The following C16orf96 variants were observed in gnomAD, a reference collection of about 807,000 sequenced individuals.
The protein encoded by C16orf96 is chromosome 16 open reading frame 96.
Under a neutral mutation model 103.6 loss-of-function variants are expected in C16orf96, and 108 were observed. The observed-to-expected ratio is 1.04, with a 90% CI of 0.89 to 1.22. The LOEUF (loss-of-function observed/expected upper bound fraction) is 1.22, where lower values mean the gene tolerates loss of function less well. Ranked by LOEUF, C16orf96 falls within the 50% of genes most tolerant of loss-of-function variation. C16orf96 has a pLI of 0.00. For synonymous variants in C16orf96, 566 were observed against 593.5 expected (o/e 0.95, Z 0.67); for missense variants, 1,586 against 1,464.2 (o/e 1.08, Z -1.36).
rs1464978842 is a variant in C16orf96 at position 4,594,718 on chromosome 16, C to T, written c.3042C>T (p.Ile1014=). 6 of 1,551,294 alleles carry T rather than the reference C, an allele frequency of 3.9e-6. No individual in the cohort carries two copies. The highest frequency in any genetic ancestry group is 2.7e-5 in the African/African-American group (2 of 73,160). ...CCATCCAACAGGCCGAGGTGGACAT[C>T]CTGGGCGTGGATGGGATCCTGTACA... The part of the protein sequence containing the change: ...VIDYDSAEVD[I]LGVDGILYKG... The change falls in exon 14 of 16, where the codon ATC becomes ATT. Residue 1014 remains isoleucine, a synonymous_variant. Transcript: ENST00000444310.
At chr16:4,591,180 C>G (rs1567456027) in intron 9 of C16orf96, among the ~76,000 whole-genome samples, 1 of 152,270 alleles carries the variant, frequency 6.6e-6, no homozygotes, top group South Asian at 2.1e-4. Flanking sequence ...GAGCGAGACT[C>G]TGTCTCAAAA....
At chr16:4,567,831 G>C (rs1376539999) in intron 1 of C16orf96, among the ~76,000 whole-genome samples, 2 of 151,052 alleles carry the variant, frequency 1.3e-5, no homozygotes, top group Non-Finnish European at 2.9e-5. Context: ...CCGAGTAGCT[G>C]GGACTACAGG....
In C16orf96 at chr16:4,575,181, G is replaced by A. The variant is rs1322611255; in HGVS notation, c.701G>A (p.Gly234Asp). The stretch of plus-strand genomic sequence containing the variant: ...CTGCCCCCTCTTCTGCAGGAAATTG[G>A]TTCATCACCACTGGACCTGTGGCAG... ...LHDAMFTSEI[G>D]SSPLDLWQSV... The change falls in exon 5 of 16, where the codon GGT becomes GAT. Residue 234 changes from glycine (G) to aspartate (D), a missense_variant. By Grantham distance (94) the Gly-to-Asp change is moderately conservative. Transcript: ENST00000444310. 33 of 1,545,998 alleles carry A rather than the reference G, an allele frequency of 2.1e-5. No individual in the cohort carries two copies. Among genetic ancestry groups the A allele is most frequent in the Non-Finnish European group, 2.6e-5 (30 of 1,146,620 alleles).
At chr16:4,562,539 AT>A (rs1173440444) in intron 1 of C16orf96, among the ~76,000 whole-genome samples, 1 of 151,722 alleles carries the variant, frequency 6.6e-6, no homozygotes, top group Non-Finnish European at 1.5e-5. Flanking sequence ...TATTCACTCA[AT>A]TTTTTTGTTT....
the C16orf96 span, among the ~76,000 whole-genome samples, chr16:4,539,093 A>G: frequency 6.2e-4 from 94 of 152,312 alleles, no homozygotes; most frequent in South Asian, 0.018. Flanking sequence ...GGTGCATTAC[A>G]TAAAACCTTG....
chr16:4,557,830 T>C (rs2059282580), intron 1 of C16orf96, among the ~76,000 whole-genome samples: 1 of 152,120 alleles, frequency 6.6e-6, no homozygotes, highest in Non-Finnish European at 1.5e-5. Context: ...CCACTGCACC[T>C]GGCTAATTTT....
intron 1 of C16orf96, among the ~76,000 whole-genome samples, chr16:4,563,483 G>A (rs2059354136): frequency 6.6e-6 from 1 of 152,090 alleles, no homozygotes; most frequent in South Asian, 2.1e-4. Context: ...TCGAACTCTT[G>A]AGCTCAAGTA....
intron 5 of C16orf96, among the ~76,000 whole-genome samples, chr16:4,577,982 G>A (rs964437634): frequency 6.6e-6 from 1 of 151,732 alleles, no homozygotes; most frequent in Admixed American, 6.6e-5. Context: ...TGGTGGCGCA[G>A]GCCTGTAGTC....
chr16:4,544,671 G>A, the C16orf96 span, among the ~76,000 whole-genome samples: 3 of 152,114 alleles, frequency 2.0e-5, no homozygotes, highest in South Asian at 4.1e-4. Context: ...GCAATTTCAC[G>A]GGGCTGTTGC....
In C16orf96 at chr16:4,556,931, A is replaced by T. The variant is rs1048170214; in HGVS notation, c.420+22A>T. Reference sequence around the variant, plus strand: ...CAAGGTACGCCCCCAGCCTCCAGACACTTCTTTTCCTCCCTTCACCACTGG... The same window carrying T: ...CAAGGTACGCCCCCAGCCTCCAGACTCTTCTTTTCCTCCCTTCACCACTGG... On this transcript the variant is annotated intron_variant, in intron 1 of 15. Coordinates refer to ENST00000444310, the MANE Select transcript of C16orf96 (RefSeq NM_001145011.2). 1.9e-5 allele frequency: 29 copies of T among 1,517,950 alleles called. No individual in the cohort carries two copies. In the Middle Eastern group the frequency reaches 1.2e-3, roughly 63 times the overall value. The allele number at this position is 1,517,950 out of a possible 1,614,324, so 94.0% of individuals were successfully genotyped here.
the C16orf96 span, among the ~76,000 whole-genome samples, chr16:4,545,630 G>C: frequency 1.3e-5 from 2 of 152,084 alleles, no homozygotes; most frequent in Non-Finnish European, 2.9e-5. Context: ...ACTCTTGTTA[G>C]ACTCAATTTA....
At chr16:4,545,334 G>T in the C16orf96 span, among the ~76,000 whole-genome samples, 1 of 152,278 alleles carries the variant, frequency 6.6e-6, no homozygotes, top group South Asian at 2.1e-4. Context: ...AGCCTCCCAA[G>T]TAGCTGGGAC....
chr16:4,553,757 G>A (rs910167938), upstream of C16orf96, among the ~76,000 whole-genome samples: 2 of 152,182 alleles, frequency 1.3e-5, no homozygotes, highest in African/African-American at 4.8e-5. Flanking sequence ...TTACAGGCAT[G>A]AGCCACAGCG....
At chr16:4,557,607 C>A (rs946024651) in intron 1 of C16orf96, among the ~76,000 whole-genome samples, 2 of 152,164 alleles carry the variant, frequency 1.3e-5, no homozygotes, top group South Asian at 4.1e-4. Context: ...TACAACCTCA[C>A]TGATGTACTA....
intron 14 of C16orf96, among the ~76,000 whole-genome samples, chr16:4,598,526 T>C (rs1201994488): frequency 1.3e-5 from 2 of 151,906 alleles, no homozygotes; most frequent in Non-Finnish European, 1.5e-5. Context: ...AAGATAGTGG[T>C]GGTGGTGTGC....
At chr16:4,586,121 G>T (rs1488868725) in intron 7 of C16orf96, among the ~76,000 whole-genome samples, 1 of 152,160 alleles carries the variant, frequency 6.6e-6, no homozygotes. Context: ...TTAGCCAGGC[G>T]TGGTGTTGGG....
At chr16:4,568,358 C>G (rs1474376212) in intron 1 of C16orf96, among the ~76,000 whole-genome samples, 3 of 152,192 alleles carry the variant, frequency 2.0e-5, no homozygotes, top group African/African-American at 7.2e-5. Flanking sequence ...AATATGTATT[C>G]TACCATTGTT....
At chr16:4,552,718 A>G (rs1268768413), upstream of C16orf96, among the ~76,000 whole-genome samples, 1 of 152,044 alleles carries the variant, frequency 6.6e-6, no homozygotes, top group Non-Finnish European at 1.5e-5. Flanking sequence ...CAGTGTGTGC[A>G]ATTTTTCAGC....
In C16orf96 at chr16:4,580,724, C is replaced by T. The variant is rs1228253090; in HGVS notation, c.2352+599C>T. ...AGCTGGGACTGGGCGCGGTGGTTCA[C>T]GCCTATAATCCCAGCACTTTGGGAG... On this transcript the variant is annotated intron_variant, in intron 7 of 15. Coordinates refer to ENST00000444310, the MANE Select transcript of C16orf96 (RefSeq NM_001145011.2). Among the ~76,000 whole-genome samples the T allele has an allele frequency of 2.6e-5, 4 of 152,090 alleles. No individual in the cohort carries two copies. In the South Asian group the frequency reaches 6.2e-4, roughly 24 times the overall value.
Sources: gnomAD v4.1 joint callset for allele counts (sites outside exome capture counted in the v4.1 genomes callset) on GRCh38, gnomAD v4.1.1 for gene constraint, MANE v1.5 for transcripts, NCBI Gene and HGNC (gene_info 2026-07-23, HGNC 2026-07-21) for gene names.